Variants in ZNF451 observed in about 807,000 individuals in gnomAD.
The protein encoded by ZNF451 is E3 SUMO-protein ligase ZNF451.
In ZNF451, 80 loss-of-function variants were observed where a neutral mutation model predicts 107.1. That is an observed-to-expected ratio of 0.75 (90% CI 0.62 to 0.90). The LOEUF is 0.90. Ranked by LOEUF, ZNF451 falls within the 40% of genes least tolerant of loss-of-function variation. The pLI is 0.00. For synonymous variants in ZNF451, 362 were observed against 406.5 expected (o/e 0.89, Z 1.32); for missense variants, 1,107 against 1,236.2 (o/e 0.90, Z 1.57).
chr6:57,138,138 T>C, intron 7 of ZNF451, among the ~76,000 whole-genome samples: 1 of 152,246 alleles, frequency 6.6e-6, no homozygotes, highest in African/African-American at 2.4e-5. Context: ...TGGTACCTTT[T>C]TAATTTTTTT....
intron 2 of ZNF451, 52 bp from the exon 3 acceptor site, chr6:57,099,009 A>C: frequency 6.9e-7 from 1 of 1,449,048 alleles, no homozygotes. Context: ...TTAAATGCTA[A>C]TTTGGTTTGA....
chr6:57,135,197 A>G (rs1305664866), intron 7 of ZNF451, among the ~76,000 whole-genome samples: 1 of 152,168 alleles, frequency 6.6e-6, no homozygotes, highest in Non-Finnish European at 1.5e-5. Context: ...ACTGTCTTAC[A>G]CTGCTTGTTG....
At position 57,107,787 on chromosome 6, in the gene ZNF451, TC is replaced by T; in HGVS notation, c.186+8648del. The T allele has an allele frequency of 4.1e-6, 4 of 985,122 alleles. No homozygotes were observed. The South Asian group carries it at 1.4e-4, about 35-fold the overall frequency. 61.0% of individuals were successfully genotyped at this position (985,122 alleles called of 1,614,324 possible). A position where few individuals can be genotyped will look rare whatever the true frequency, so the allele number is the denominator to read the frequency against. The stretch of plus-strand genomic sequence containing the variant: ...CTCAAGTTGTACTGTTTTCTAGTAT[TC>T]CTGAGTATATTCCTTTGGTAACGTG... On this transcript the variant is annotated intron_variant, in intron 3 of 14. Coordinates refer to ENST00000370706, the MANE Select transcript of ZNF451 (RefSeq NM_001031623.3).
At chr6:57,095,665 T>C (rs897311902) in intron 2 of ZNF451, among the ~76,000 whole-genome samples, 1 of 152,154 alleles carries the variant, frequency 6.6e-6, no homozygotes, top group Non-Finnish European at 1.5e-5. Flanking sequence ...TTTTTTTCTT[T>C]TCTCTTAGTG....
chr6:57,108,055 G>T, intron 3 of ZNF451: 4 of 662,750 alleles, frequency 6.0e-6, no homozygotes, highest in Non-Finnish European at 7.5e-6. Flanking sequence ...AGTCCAGGTG[G>T]TCTCAATCTC....
chr6:57,165,975 G>C (rs1019284176), intron 14 of ZNF451: 2 of 152,180 alleles, frequency 1.3e-5, no homozygotes, highest in Non-Finnish European at 2.9e-5. Context: ...TGAAGGTCTA[G>C]GATGTTACTG....
intron 9 of ZNF451, among the ~76,000 whole-genome samples, chr6:57,142,926 TAAAC>T (rs1295196693): frequency 1.3e-5 from 2 of 152,194 alleles, no homozygotes; most frequent in Admixed American, 6.5e-5. Context: ...ATTTTCTTGA[TAAAC>T]AATGATGTTG....
At chr6:57,102,352 C>T in intron 3 of ZNF451, 1 of 1,137,056 alleles carries the variant, frequency 8.8e-7, no homozygotes, top group Non-Finnish European at 1.1e-6. Context: ...TATTTCTGGT[C>T]CAAAAATAAG....
chr6:57,138,727 A>ATGTGTGTG (rs1253099714), intron 7 of ZNF451, among the ~76,000 whole-genome samples: 56 of 114,470 alleles, frequency 4.9e-4, no homozygotes, highest in Non-Finnish European at 6.5e-4. Context: ...ATATATATAT[A>ATGTGTGTG]TATATATATA....
At chr6:57,133,239 A>G (rs760742531) in intron 6 of ZNF451, 47 bp downstream of exon 6, 2 of 1,553,582 alleles carry the variant, frequency 1.3e-6, no homozygotes, top group Non-Finnish European at 1.8e-6. Flanking sequence ...CTAGTGAGCT[A>G]CCAAGTGATT....
intron 13 of ZNF451, chr6:57,158,639 C>T: frequency 1.0e-6 from 1 of 985,438 alleles, no homozygotes; most frequent in Non-Finnish European, 1.2e-6. Flanking sequence ...CTCTACCTTT[C>T]ACTTAATCGA....
rs146045454 is a variant in ZNF451 at position 57,148,651 on chromosome 6, A to G, written c.2566A>G (p.Met856Val). 11 of 1,613,416 alleles carry G rather than the reference A, an allele frequency of 6.8e-6. No individual in the cohort carries two copies. In the African/African-American group the frequency reaches 1.5e-4, roughly 22 times the overall value. ...AATAAACTATTCAAAAAGTTTAGAC[A>G]TGGAGAAAGGAGTTGAGAATGACCT... Reference protein sequence around the residue: ...QAINYSKSLDMEKGVENDLSY... With the variant: ...QAINYSKSLDVEKGVENDLSY... Residue 856 changes from methionine to valine, a missense_variant, in exon 10 of 15, where the codon ATG (methionine) becomes GTG (valine). Met to Val is a conservative substitution (Grantham distance 21, BLOSUM62 1). Transcript: ENST00000370706.
intron 3 of ZNF451, chr6:57,105,892 T>A: frequency 1.0e-6 from 1 of 983,088 alleles, no homozygotes; most frequent in African/African-American, 1.8e-5. Context: ...CATTTAAACT[T>A]TTTTTTTTAA....
intron 8 of ZNF451, among the ~76,000 whole-genome samples, 164 bp from the exon 9 acceptor site, chr6:57,141,784 C>G (rs1412020314): frequency 6.6e-6 from 1 of 152,102 alleles, no homozygotes; most frequent in Non-Finnish European, 1.5e-5. Flanking sequence ...GTAAGGCATT[C>G]TTTGTATTTA....
intron 14 of ZNF451, among the ~76,000 whole-genome samples, chr6:57,166,026 ATAC>A (rs1393777714): frequency 3.3e-5 from 5 of 151,582 alleles, no homozygotes; most frequent in African/African-American, 1.2e-4. Flanking sequence ...CGATTAGGCT[ATAC>A]TACTTTTTTT....
intron 9 of ZNF451, among the ~76,000 whole-genome samples, chr6:57,142,742 G>A (rs1208606596): frequency 1.3e-5 from 2 of 152,080 alleles, no homozygotes; most frequent in Non-Finnish European, 2.9e-5. Context: ...TTCAGAAGTA[G>A]GTTTATATTT....
intron 3 of ZNF451, among the ~76,000 whole-genome samples, chr6:57,122,084 C>T (rs1301058265): frequency 6.6e-6 from 1 of 152,088 alleles, no homozygotes; most frequent in East Asian, 1.9e-4. Flanking sequence ...ACAGGCACAA[C>T]CAACTCACCA....
chr6:57,098,840 G>C (rs1372920042), intron 2 of ZNF451, among the ~76,000 whole-genome samples: 3 of 152,046 alleles, frequency 2.0e-5, no homozygotes, highest in African/African-American at 4.8e-5. Context: ...ATATTCTACA[G>C]GGGTGTAGGT....
At chr6:57,124,395 C>G (rs1406414020) in intron 3 of ZNF451, 2 of 712,566 alleles carry the variant, frequency 2.8e-6, no homozygotes, top group Non-Finnish European at 5.2e-6. Context: ...AGTCGATGTT[C>G]TTTATTTACC....
Sources: allele counts gnomAD v4.1 joint callset (sites outside exome capture counted in the v4.1 genomes callset), GRCh38; gene constraint gnomAD v4.1.1; transcripts MANE v1.5; gene names NCBI Gene and HGNC (gene_info 2026-07-23, HGNC 2026-07-21).